Variants in DUSP18 observed in about 807,000 individuals in gnomAD.
DUSP18 encodes the protein dual specificity phosphatase 18.
Under a neutral mutation model 6.3 loss-of-function variants are expected in DUSP18, and 4 were observed. The observed-to-expected ratio is 0.63, with a 90% confidence interval of 0.31 to 1.45. DUSP18 has a LOEUF of 1.45. DUSP18 is among the 40% of genes most tolerant of loss of function. DUSP18 has a pLI of 0.07. For missense variants in DUSP18, 235 were observed against 247.7 expected, an observed-to-expected ratio of 0.95 and a Z score of 0.34; for synonymous variants, 96 against 95.1, an observed-to-expected ratio of 1.01 and a Z score of -0.05.
chr22:30,663,146 T>C lies in DUSP18; in HGVS notation c.*291A>G, dbSNP rs1373037708. ...GGGCTGCAGGATTCCAGGCCTGCCATGTGCAATGGGTGCTGCCCTCTTTCT... is the reference window on the plus strand; with the variant it reads ...GGGCTGCAGGATTCCAGGCCTGCCACGTGCAATGGGTGCTGCCCTCTTTCT... On this transcript the variant is annotated 3_prime_UTR_variant, in exon 2 of 2. Coordinates refer to ENST00000334679, the MANE Select transcript of DUSP18 (RefSeq NM_152511.5). 1 of 336,578 alleles carries C rather than the reference T, an allele frequency of 3.0e-6. No individual in the cohort carries two copies. The highest frequency in any genetic ancestry group is 5.9e-5 in the East Asian group (1 of 16,828). The allele number at this position is 336,578 out of a possible 1,614,324, so 20.8% of individuals were successfully genotyped here. A position where few individuals can be genotyped will look rare whatever the true frequency, so the allele number is the denominator to read the frequency against.
downstream of DUSP18, among the ~76,000 whole-genome samples, chr22:30,657,952 A>AATG (rs202224699): frequency 6.1e-5 from 8 of 130,828 alleles, no homozygotes; most frequent in African/African-American, 1.7e-4. Flanking sequence ...TAATAATAAT[A>AATG]ATGATTAGCT....
downstream of DUSP18, chr22:30,661,387 C>T (rs896721040): frequency 6.6e-6 from 1 of 151,676 alleles, no homozygotes; most frequent in Non-Finnish European, 1.5e-5. Context: ...AAATATTAAC[C>T]TGAAAATAAT....
At position 30,662,308 on chromosome 22, in the gene DUSP18, A is replaced by G. The variant is rs1310532335; in HGVS notation, c.*1129T>C. The G allele has an allele frequency of 6.6e-6, 1 of 152,202 alleles. No individual in the cohort carries two copies. The highest frequency in any genetic ancestry group is 1.5e-5 in the Non-Finnish European group (1 of 68,026). 9.4% of individuals were successfully genotyped at this position (152,202 alleles called of 1,614,324 possible). Reference sequence around the variant, plus strand: ...GACAGATGAGGACACTGATGCTCCCAGGGGTCCACATCACATGAAGAGGAG... The same window carrying G: ...GACAGATGAGGACACTGATGCTCCCGGGGGTCCACATCACATGAAGAGGAG... On this transcript the variant is annotated 3_prime_UTR_variant, in exon 2 of 2. Transcript: ENST00000334679.
Position 30,662,141 on chromosome 22 carries a change from C to T in DUSP18, c.*1296G>A, listed in dbSNP as rs1356424414. On this transcript the variant is annotated 3_prime_UTR_variant, in exon 2 of 2. Coordinates refer to ENST00000334679, the MANE Select transcript of DUSP18 (RefSeq NM_152511.5). ...AATGCCATTATGGGGATGTGTGTGC[C>T]GACCTGGGACCAGCAGGGTGAAAGA... 6 of 151,466 alleles carry T rather than the reference C, an allele frequency of 4.0e-5. No homozygotes were observed. In the East Asian group the frequency reaches 1.2e-3, roughly 30 times the overall value. The allele number at this position is 151,466 out of a possible 1,614,324, so 9.4% of individuals were successfully genotyped here. A position where few individuals can be genotyped will look rare whatever the true frequency, so the allele number is the denominator to read the frequency against.
At chr22:30,655,430 A>ATC (rs2088318533) in intron 2 of DUSP18, among the ~76,000 whole-genome samples, 1 of 10,876 alleles carries the variant, frequency 9.2e-5, no homozygotes. Context: ...AGATCCTACC[A>ATC]AAAAAAAAAA....
intron 2 of DUSP18, chr22:30,654,571 G>A (rs2088295379): frequency 2.2e-6 from 1 of 456,060 alleles, no homozygotes; most frequent in Non-Finnish European, 4.4e-6. Context: ...TCCGCCAGAA[G>A]ATGCGGCTGG....
intron 1 of DUSP18, among the ~76,000 whole-genome samples, chr22:30,666,433 CAACATGGTGAAACCCCCGTCTCTACTA>C (rs2088666689): frequency 6.6e-6 from 1 of 151,952 alleles, no homozygotes; most frequent in African/African-American, 2.4e-5. Flanking sequence ...CCAGCCTGAC[CAACATGGTGAAACCCCCGTCTCTACTA>C]AAAATACAAA....
chr22:30,661,105 T>C (rs889908511), downstream of DUSP18, among the ~76,000 whole-genome samples: 2 of 152,030 alleles, frequency 1.3e-5, no homozygotes, highest in African/African-American at 4.8e-5. Flanking sequence ...CCTCCCAAAG[T>C]GTTGGGATTA....
At position 30,663,980 on chromosome 22, in the gene DUSP18, GA is replaced by G; in HGVS notation, c.23del (p.Phe8SerfsTer16). MTAPSCA[F>X]PVQFRQPSVS... ...CTGAGGGCTGCCGGAACTGAACTGG[GA>G]AGGCACACGAGGGTGCTGTCATCAA... On this transcript the variant is annotated frameshift_variant, in exon 2 of 2. Coordinates refer to ENST00000334679, the MANE Select transcript of DUSP18 (RefSeq NM_152511.5). LOFTEE classifies it low-confidence loss of function (END_TRUNC). 1.2e-6 allele frequency: 2 copies of G among 1,613,908 alleles called. No homozygotes were observed. The highest frequency in any genetic ancestry group is 1.1e-5 in the South Asian group (1 of 91,074).
chr22:30,656,082 TC>T (rs2088333486), intron 2 of DUSP18, among the ~76,000 whole-genome samples: 1 of 151,886 alleles, frequency 6.6e-6, no homozygotes, highest in South Asian at 2.1e-4. Context: ...CAAGCGATCC[TC>T]CCACCTCAGC....
At chr22:30,655,195 C>G (rs2088310383) in intron 2 of DUSP18, among the ~76,000 whole-genome samples, 1 of 151,912 alleles carries the variant, frequency 6.6e-6, no homozygotes, top group South Asian at 2.1e-4. Flanking sequence ...GTGGCTCACA[C>G]CTGTAATCCT....
At position 30,663,214 on chromosome 22, in the gene DUSP18, C is replaced by G. The variant is rs2088527661; in HGVS notation, c.*223G>C. On this transcript the variant is annotated 3_prime_UTR_variant, in exon 2 of 2. Coordinates refer to ENST00000334679, the MANE Select transcript of DUSP18 (RefSeq NM_152511.5). ...TCAACCTATCCCCTGGCCAGTGTCACTCACAGGGCAGAAAATTTATCTTCA... is the reference window on the plus strand; with the variant it reads ...TCAACCTATCCCCTGGCCAGTGTCAGTCACAGGGCAGAAAATTTATCTTCA... 1 of 548,656 alleles carries G rather than the reference C, an allele frequency of 1.8e-6. No homozygotes were observed. The highest frequency in any genetic ancestry group is 3.2e-6 in the Non-Finnish European group (1 of 312,254). The allele number at this position is 548,656 out of a possible 1,614,324, so 34.0% of individuals were successfully genotyped here.
intron 2 of DUSP18, chr22:30,653,934 C>A: frequency 5.9e-6 from 1 of 170,628 alleles, no homozygotes; most frequent in East Asian, 1.3e-4. Flanking sequence ...TTTCCTTCTC[C>A]ACGTTCTTTT....
At chr22:30,658,200 C>T (rs2145598879), downstream of DUSP18, among the ~76,000 whole-genome samples, 1 of 151,566 alleles carries the variant, frequency 6.6e-6, no homozygotes, top group East Asian at 2.0e-4. Flanking sequence ...CCACTGGCTG[C>T]AACTAAAAGC....
chr22:30,655,149 G>A (rs1325143159), intron 2 of DUSP18, among the ~76,000 whole-genome samples: 2 of 151,958 alleles, frequency 1.3e-5, no homozygotes. Context: ...AGGGTTGTAG[G>A]GACAGTTTGC....
In DUSP18 at chr22:30,656,193, T is replaced by C. The variant is rs1176657847; in HGVS notation, c.*34-3896A>G. On this transcript the variant is annotated intron_variant, in intron 2 of 2. Coordinates refer to the DUSP18 transcript ENST00000404885. ...AGTCTCACTATGTTGCCCAGGCTGA[T>C]CGCAAATTCCCAGGCTCAAGTGATC... is the stretch of plus-strand genomic sequence containing the variant. Among the ~76,000 whole-genome samples the C allele has an allele frequency of 2.0e-5, 3 of 151,914 alleles. No individual in the cohort carries two copies. The East Asian group carries it at 5.8e-4, about 30-fold the overall frequency.
chr22:30,666,070 G>A (rs1001984995), intron 1 of DUSP18, among the ~76,000 whole-genome samples: 2 of 152,154 alleles, frequency 1.3e-5, no homozygotes, highest in Non-Finnish European at 2.9e-5. Flanking sequence ...GGGCTGGCTT[G>A]CTACAGAGGT....
rs1318111542 is a variant in DUSP18, at chr22:30,667,754, G to GTCAGC, written c.-375_-371dup. The stretch of plus-strand genomic sequence containing the variant: ...ACTGCAGTCCCCGTGGCGAAGCAGG[G>GTCAGC]TCAGCTCAGCTCACCGCACCCCACT... On this transcript the variant is annotated 5_prime_UTR_variant, in exon 1 of 2. Coordinates refer to ENST00000334679, the MANE Select transcript of DUSP18 (RefSeq NM_152511.5). 1 of 152,932 alleles carries GTCAGC rather than the reference G, an allele frequency of 6.5e-6. No homozygotes were observed. The highest frequency in any genetic ancestry group is 2.4e-5 in the African/African-American group (1 of 41,458). 9.5% of individuals were successfully genotyped at this position (152,932 alleles called of 1,614,324 possible).
intron 2 of DUSP18, among the ~76,000 whole-genome samples, chr22:30,652,723 T>A (rs1251923744): frequency 6.6e-6 from 1 of 152,264 alleles, no homozygotes; most frequent in African/African-American, 2.4e-5. Flanking sequence ...TAGGGCCCCT[T>A]GAGTGTCCTC....
Sources: allele counts gnomAD v4.1 joint callset (sites outside exome capture counted in the v4.1 genomes callset), GRCh38; gene constraint gnomAD v4.1.1; transcripts MANE v1.5; gene names NCBI Gene and HGNC (gene_info 2026-07-23, HGNC 2026-07-21).